The following ADCY1 variants were observed in gnomAD, a reference collection of about 807,000 sequenced individuals.
ADCY1 encodes adenylate cyclase 1.
A neutral mutation model predicts 105.4 loss-of-function variants in ADCY1; 28 were observed. That is an observed-to-expected ratio of 0.27 (90% CI 0.20 to 0.36). The LOEUF (loss-of-function observed/expected upper bound fraction) is 0.36. Among genes scored for constraint, ADCY1 ranks in the 10% least tolerant of loss-of-function variants. The probability of loss-of-function intolerance (pLI) is 1.00; values close to 1 mark genes in which losing one functional copy is unlikely to be tolerated. For missense variants in ADCY1, 977 were observed against 1,434.2 expected, an observed-to-expected ratio of 0.68 and a Z score of 5.15; for synonymous variants, 655 against 623.8, an observed-to-expected ratio of 1.05 and a Z score of -0.75.
chr7:45,610,342 C>A, intron 2 of ADCY1, 37 bp from the exon 3 acceptor site: 2 of 1,574,498 alleles, frequency 1.3e-6, no homozygotes, highest in Non-Finnish European at 1.7e-6. Context: ...AGGGAGGGGG[C>A]CCTGCTGTCT....
chr7:45,695,692 G>A (rs987090281), intron 14 of ADCY1, among the ~76,000 whole-genome samples: 1 of 152,214 alleles, frequency 6.6e-6, no homozygotes, highest in Non-Finnish European at 1.5e-5. Flanking sequence ...AAGCTCCAAA[G>A]ACCCCAGAAG....
Position 45,574,791 on chromosome 7 carries a change from C to T in ADCY1, c.248C>T (p.Ala83Val), listed in dbSNP as rs375141353. ...GALALAELLGAPGPAPGLAKG... is the reference protein window; with the variant it reads ...GALALAELLGVPGPAPGLAKG... ...CTGGCGCTGGCCGAGCTGCTGGGCG[C>T]GCCGGGGCCCGCGCCCGGCCTGGCC... is the stretch of plus-strand genomic sequence containing the variant. Residue 83 changes from alanine (A) to valine (V), a missense_variant, in exon 1 of 20, where the codon GCG (alanine) becomes GTG (valine). Physicochemically the swap from Ala to Val is moderately conservative, Grantham distance 64 (BLOSUM62 0). Transcript: ENST00000297323. This position sits in a 1 kb window ranked among gnomAD's most constrained non-coding sequence, Gnocchi z 7.0. 761 of 1,546,094 alleles carry T rather than the reference C, an allele frequency of 4.9e-4. 8 individuals carry two copies. The South Asian group carries it at 8.7e-3, about 18-fold the overall frequency.
At chr7:45,633,169 C>T (rs778274919) in intron 4 of ADCY1, among the ~76,000 whole-genome samples, 4 of 152,184 alleles carry the variant, frequency 2.6e-5, no homozygotes, top group Non-Finnish European at 4.4e-5. Context: ...CCACCTGCCT[C>T]GGTCTTCCAA....
chr7:45,702,165 G>A (rs955544939), intron 14 of ADCY1, among the ~76,000 whole-genome samples: 5 of 152,180 alleles, frequency 3.3e-5, no homozygotes, highest in Admixed American at 1.3e-4. Flanking sequence ...GCAGTCTAGC[G>A]GCATATTCGT....
At chr7:45,650,287 G>A (rs985433560) in intron 5 of ADCY1, among the ~76,000 whole-genome samples, 11 of 151,764 alleles carry the variant, frequency 7.2e-5, no homozygotes, top group Middle Eastern at 3.2e-3. Context: ...ACTGTCTTTC[G>A]TATTTCTTAA....
In ADCY1 at chr7:45,574,678, G is replaced by T; in HGVS notation, c.135G>T (p.Leu45=). 7.2e-7 allele frequency: 1 copy of T among 1,384,154 alleles called. No individual in the cohort carries two copies. The highest frequency in any genetic ancestry group is 9.3e-7 in the Non-Finnish European group (1 of 1,073,622). The allele number at this position is 1,384,154 out of a possible 1,614,324, so 85.7% of individuals were successfully genotyped here. Residue 45 remains leucine, a synonymous_variant, in exon 1 of 20, where the codon CTG becomes CTT. Coordinates refer to ENST00000297323, the MANE Select transcript of ADCY1 (RefSeq NM_021116.4). The surrounding 1 kb of genome is among the most constrained non-coding windows in gnomAD (Gnocchi z 7.0). ...ACGAGGAGTTCGCTTGCCCAGAGCT[G>T]GAGGCGCTGTTCCGCGGCTACACGC... ...ACDEEFACPE[L]EALFRGYTLR...
chr7:45,596,791 G>A (rs1396856624), intron 2 of ADCY1, among the ~76,000 whole-genome samples: 6 of 152,194 alleles, frequency 3.9e-5, no homozygotes, highest in African/African-American at 1.4e-4. Context: ...AGAGAGTGGG[G>A]CAGGGCTGGC....
chr7:45,672,444 G>A (rs902143820), intron 8 of ADCY1, among the ~76,000 whole-genome samples: 3 of 151,696 alleles, frequency 2.0e-5, no homozygotes, highest in African/African-American at 4.9e-5. Flanking sequence ...TTGCATGAAC[G>A]TGGTATGCCT....
chr7:45,591,815 C>A lies in ADCY1; in HGVS notation c.640-944C>A, dbSNP rs1413728917. On this transcript the variant is annotated intron_variant, in intron 1 of 19. Coordinates refer to ENST00000297323, the MANE Select transcript of ADCY1 (RefSeq NM_021116.4). This position sits in a 1 kb window ranked among gnomAD's most constrained non-coding sequence, Gnocchi z 4.1. ...TTGTGGAGGGGAACCCTGGGTCAGG[C>A]TGGCCCCAGGTGCCTGATGCCTGGG... is the stretch of plus-strand genomic sequence containing the variant. Among the ~76,000 whole-genome samples, 1 of 152,206 alleles carries A rather than the reference C, an allele frequency of 6.6e-6. No individual in the cohort carries two copies. The highest frequency in any genetic ancestry group is 1.5e-5 in the Non-Finnish European group (1 of 68,034).
Position 45,696,207 on chromosome 7 carries a change from G to A in ADCY1, c.2455-7169G>A, listed in dbSNP as rs1784877817. 2.0e-5 allele frequency among the ~76,000 whole-genome samples: 3 copies of A among 149,644 alleles called. No homozygotes were observed. The Admixed American group carries it at 2.0e-4, about 10-fold the overall frequency. The stretch of plus-strand genomic sequence containing the variant: ...TAATCCCAGCACTTTGGGAGGCCGA[G>A]GCGGGCGGATCATGAGGTCAGGAGA... On this transcript the variant is annotated intron_variant, in intron 14 of 19. Coordinates refer to ENST00000297323, the MANE Select transcript of ADCY1 (RefSeq NM_021116.4).
Position 45,710,425 on chromosome 7 carries a change from G to T in ADCY1, c.2933-103G>T. The T allele has an allele frequency of 6.6e-7, 1 of 1,512,366 alleles. No homozygotes were observed. Among genetic ancestry groups the T allele is most frequent in the Non-Finnish European group, 8.9e-7 (1 of 1,120,210 alleles). 93.7% of individuals were successfully genotyped at this position (1,512,366 alleles called of 1,614,324 possible). ...AGGAAACAAAGCCCTGAAAGGAGCA[G>T]CCTTTTCTCCACCAGGAGCAGCATC... On this transcript the variant is annotated intron_variant, in intron 18 of 19. Transcript: ENST00000297323. This position sits in a 1 kb window ranked among gnomAD's most constrained non-coding sequence, Gnocchi z 4.7.
chr7:45,681,633 G>T (rs367683616), intron 11 of ADCY1, among the ~76,000 whole-genome samples: 2 of 152,286 alleles, frequency 1.3e-5, no homozygotes, highest in South Asian at 2.1e-4. Context: ...ACTGGGTCAG[G>T]GTTTGATTGA....
chr7:45,659,330 G>C (rs1194949659), intron 6 of ADCY1, among the ~76,000 whole-genome samples: 2 of 152,234 alleles, frequency 1.3e-5, no homozygotes, highest in Admixed American at 1.3e-4. Flanking sequence ...AGTTCAGAAG[G>C]TTGTGCGGTG....
chr7:45,580,973 T>A (rs1792519641), intron 1 of ADCY1, among the ~76,000 whole-genome samples: 2 of 152,186 alleles, frequency 1.3e-5, no homozygotes, highest in Non-Finnish European at 2.9e-5. Flanking sequence ...GGGCCAGGGA[T>A]CAACTCCTTA....
intron 14 of ADCY1, among the ~76,000 whole-genome samples, chr7:45,695,718 A>C (rs780346324): frequency 2.6e-5 from 4 of 152,240 alleles, no homozygotes; most frequent in Non-Finnish European, 5.9e-5. Context: ...TTCTGCCCAC[A>C]GTGTGGACTG....
chr7:45,618,562 A>C (rs967676740), intron 3 of ADCY1, among the ~76,000 whole-genome samples: 1 of 152,230 alleles, frequency 6.6e-6, no homozygotes, highest in Admixed American at 6.5e-5. Flanking sequence ...AAAGCATCTG[A>C]ATAGGCATTT....
intron 2 of ADCY1, among the ~76,000 whole-genome samples, chr7:45,601,862 A>G (rs1484576925): frequency 1.3e-5 from 2 of 151,528 alleles, no homozygotes; most frequent in Non-Finnish European, 2.9e-5. Context: ...GGGGCCTGAA[A>G]CCCTCCAGCA....
Position 45,657,841 on chromosome 7 carries a change from T to C in ADCY1, c.1263T>C (p.Asn421=). 6.2e-7 allele frequency: 1 copy of C among 1,608,492 alleles called. No homozygotes were observed. Among genetic ancestry groups the C allele is most frequent in the Admixed American group, 1.7e-5 (1 of 59,158 alleles). ...LRKWQYDVWS[N]DVTLANVMEA... ...AGTGGCAGTACGACGTGTGGTCCAATGATGTGACCTTGGCCAATGTCATGG... is the reference window on the plus strand; with the variant it reads ...AGTGGCAGTACGACGTGTGGTCCAACGATGTGACCTTGGCCAATGTCATGG... The change falls in exon 6 of 20, where the codon AAT becomes AAC. Residue 421 remains asparagine (N), a synonymous_variant. Coordinates refer to ENST00000297323, the MANE Select transcript of ADCY1 (RefSeq NM_021116.4).
intron 14 of ADCY1, among the ~76,000 whole-genome samples, chr7:45,700,341 G>A (rs1046994739): frequency 6.6e-6 from 1 of 152,182 alleles, no homozygotes; most frequent in South Asian, 2.1e-4. Flanking sequence ...GTCACAGAGT[G>A]CCTCTTGCTT....
Sources: allele counts gnomAD v4.1 joint callset (sites outside exome capture counted in the v4.1 genomes callset), GRCh38; gene constraint gnomAD v4.1.1; non-coding constraint Gnocchi (gnomAD v3.1); transcripts MANE v1.5; gene names NCBI Gene and HGNC (gene_info 2026-07-23, HGNC 2026-07-21).